Variants in POLR3GL observed in about 807,000 individuals in gnomAD.
The protein encoded by POLR3GL is DNA-directed RNA polymerase III subunit RPC7-like.
POLR3GL carries 26 observed loss-of-function variants against 32.4 expected under a neutral mutation model. The observed-to-expected ratio is 0.80, with a 90% CI of 0.59 to 1.11. POLR3GL has a LOEUF of 1.11. Ranked by LOEUF, POLR3GL falls within the 50% of genes most tolerant of loss-of-function variation. POLR3GL has a pLI of 0.00. For synonymous variants in POLR3GL, 95 were observed against 98.7 expected, an observed-to-expected ratio of 0.96 and a Z score of 0.22; for missense variants, 229 against 280.1, an observed-to-expected ratio of 0.82 and a Z score of 1.30.
At position 145,977,831 on chromosome 1, in the gene POLR3GL, G is replaced by C. The variant is rs142191532; in HGVS notation, c.436G>C (p.Glu146Gln). 2 of 1,613,890 alleles carry C rather than the reference G, an allele frequency of 1.2e-6. No individual in the cohort carries two copies. Among genetic ancestry groups the C allele is most frequent in the Admixed American group, 3.3e-5 (2 of 59,996 alleles). ...CCCTAAGACCACAGAAGATAAGGAGGAAACAATACAGAAACTAGAGGTGAG... is the reference window on the plus strand; with the variant it reads ...CCCTAAGACCACAGAAGATAAGGAGCAAACAATACAGAAACTAGAGGTGAG... The part of the protein sequence containing the change: ...RPPKTTEDKE[E>Q]TIQKLETLEK... Residue 146 changes from glutamate to glutamine, a missense_variant, in exon 6 of 8, where the codon GAA becomes CAA. Coordinates refer to ENST00000369314, the MANE Select transcript of POLR3GL (RefSeq NM_032305.3).
chr1:145,967,221 C>G (rs1650079633), intron 1 of POLR3GL, among the ~76,000 whole-genome samples: 1 of 151,442 alleles, frequency 6.6e-6, no homozygotes, highest in Non-Finnish European at 1.5e-5. Flanking sequence ...GTTGCCCAAG[C>G]TGGAGTGCAG....
chr1:145,976,714 A>G, intron 3 of POLR3GL, among the ~76,000 whole-genome samples: 1 of 151,640 alleles, frequency 6.6e-6, no homozygotes, highest in Admixed American at 6.6e-5. Flanking sequence ...GGAGATTGAG[A>G]CCATCCTGGC....
rs185736981 is a variant in POLR3GL at position 145,968,814 on chromosome 1, G to A, written c.-42+4046G>A. ...TCTTGAACTCCTGACCTCGTGATCC[G>A]CCCACCTCAGCCTCCTAAAGTGCTG... On this transcript the variant is annotated intron_variant, in intron 1 of 7. Transcript: ENST00000369314. Among the ~76,000 whole-genome samples, 863 of 151,918 alleles carry A rather than the reference G, an allele frequency of 5.7e-3. 16 individuals are homozygous for A. The highest frequency in any genetic ancestry group is 0.02 in the African/African-American group (817 of 41,424).
chr1:145,967,239 A>G (rs1650080273), intron 1 of POLR3GL, among the ~76,000 whole-genome samples: 1 of 149,944 alleles, frequency 6.7e-6, no homozygotes, highest in South Asian at 2.1e-4. Flanking sequence ...CAGTGGTGAG[A>G]TCTCAGCTCA....
In POLR3GL at chr1:145,977,466, G is replaced by A. The variant is rs115138654; in HGVS notation, c.326-17G>A. 6.1e-4 allele frequency: 982 copies of A among 1,612,960 alleles called. 5 individuals are homozygous for A. In the African/African-American group the frequency reaches 0.011, roughly 18 times the overall value. On this transcript the variant is annotated splice_polypyrimidine_tract_variant and intron_variant, in intron 4 of 7. Coordinates refer to ENST00000369314, the MANE Select transcript of POLR3GL (RefSeq NM_032305.3). Reference sequence around the variant, plus strand: ...CAGGCAGGGTCCTATTGACATTTACGTTCCCACTATTCCCAGATTGGCGGC... The same window carrying A: ...CAGGCAGGGTCCTATTGACATTTACATTCCCACTATTCCCAGATTGGCGGC...
intron 3 of POLR3GL, among the ~76,000 whole-genome samples, chr1:145,976,050 G>A (rs1650538177): frequency 3.9e-5 from 6 of 151,958 alleles, no homozygotes; most frequent in Admixed American, 3.3e-4. Context: ...TGACATGGGT[G>A]GATCACTTGA....
At chr1:145,966,570 G>A (rs12738090) in intron 1 of POLR3GL, among the ~76,000 whole-genome samples, 3 of 150,178 alleles carry the variant, frequency 2.0e-5, no homozygotes, top group South Asian at 4.2e-4. Context: ...GGTGGATCAC[G>A]AAGTCAGGAG....
At chr1:145,972,379 T>C (rs1186314436) in intron 1 of POLR3GL, among the ~76,000 whole-genome samples, 3 of 135,700 alleles carry the variant, frequency 2.2e-5, no homozygotes, top group Admixed American at 7.4e-5. Flanking sequence ...AAACTCCATC[T>C]CAAAAAAAAA....
intron 1 of POLR3GL, among the ~76,000 whole-genome samples, chr1:145,974,169 G>T (rs1190417306): frequency 6.6e-6 from 1 of 152,112 alleles, no homozygotes; most frequent in Non-Finnish European, 1.5e-5. Flanking sequence ...TGATTGTAAT[G>T]TGTCTTTTCC....
chr1:145,977,846 C>A lies in POLR3GL; in HGVS notation c.451C>A (p.Leu151Ile). Residue 151 changes from leucine to isoleucine, a missense_variant, in exon 6 of 8, where the codon CTA becomes ATA. Transcript: ENST00000369314. ...AGATAAGGAGGAAACAATACAGAAA[C>A]TAGAGGTGAGGAGGAAGTGTGCATA... ...TEDKEETIQKLETLEKKEEEV... is the reference protein window; with the variant it reads ...TEDKEETIQKIETLEKKEEEV... The A allele has an allele frequency of 6.2e-7, 1 of 1,613,940 alleles. No individual in the cohort carries two copies. The highest frequency in any genetic ancestry group is 1.7e-5 in the Admixed American group (1 of 60,008).
Position 145,978,099 on chromosome 1 carries a change from G to A in POLR3GL, c.570+3G>A, listed in dbSNP as rs374564004. The A allele has an allele frequency of 1.5e-5, 24 of 1,589,146 alleles. No homozygotes were observed. Among genetic ancestry groups the A allele is most frequent in the Non-Finnish European group, 2.1e-5 (24 of 1,166,726 alleles). Reference sequence around the variant, plus strand: ...ATGATGAAGAAGAACATGAAGAGGTGAAGGGGACTCCTTCCACCTTAGTCC... The same window carrying A: ...ATGATGAAGAAGAACATGAAGAGGTAAAGGGGACTCCTTCCACCTTAGTCC... On this transcript the variant is annotated splice_donor_region_variant and intron_variant, in intron 7 of 7. Transcript: ENST00000369314.
At chr1:145,968,801 G>C (rs1291417782) in intron 1 of POLR3GL, among the ~76,000 whole-genome samples, 1 of 151,992 alleles carries the variant, frequency 6.6e-6, no homozygotes, top group Non-Finnish European at 1.5e-5. Flanking sequence ...TTGAACTCCT[G>C]ACCTCGTGAT....
At chr1:145,978,168 G>T in intron 7 of POLR3GL, 72 bp downstream of exon 7, 1 of 1,549,708 alleles carries the variant, frequency 6.5e-7, no homozygotes, top group Non-Finnish European at 8.7e-7. Context: ...CTCCTCAGAG[G>T]GTTGGCATGC....
intron 3 of POLR3GL, among the ~76,000 whole-genome samples, chr1:145,976,769 TA>T (rs1650573043): frequency 6.6e-6 from 1 of 151,090 alleles, no homozygotes; most frequent in Non-Finnish European, 1.5e-5. Context: ...AAAAATTAGC[TA>T]GGCGTGGTGG....
chr1:145,969,288 C>T (rs1650172950), intron 1 of POLR3GL, among the ~76,000 whole-genome samples: 1 of 151,328 alleles, frequency 6.6e-6, no homozygotes, highest in East Asian at 2.0e-4. Context: ...TTTTTTGAGA[C>T]ACAGTCTCGC....
chr1:145,977,225 C>G (rs2101943392), intron 4 of POLR3GL, 73 bp downstream of exon 4: 1 of 1,284,544 alleles, frequency 7.8e-7, no homozygotes. Flanking sequence ...TCCCACCACG[C>G]CCATGACCCC....
chr1:145,968,531 T>C (rs587615289), intron 1 of POLR3GL, among the ~76,000 whole-genome samples: 45 of 152,238 alleles, frequency 3.0e-4, no homozygotes, highest in Admixed American at 8.5e-4. Context: ...CTGGTTAGAA[T>C]GTTCTCTCGC....
chr1:145,975,065 G>T, intron 2 of POLR3GL, 74 bp downstream of exon 2: 1 of 1,483,464 alleles, frequency 6.7e-7, no homozygotes, highest in Non-Finnish European at 9.0e-7. Flanking sequence ...ATTCCTCCTG[G>T]ACCATCATAA....
intron 3 of POLR3GL, 51 bp downstream of exon 3, chr1:145,975,487 CCTGTGCTCAGCACCA>C: frequency 6.3e-7 from 1 of 1,596,418 alleles, no homozygotes; most frequent in African/African-American, 1.3e-5. Context: ...TGGGGAGTGC[CCTGTGCTCAGCACCA>C]CTGGGGGCCA....
Sources: gnomAD v4.1 joint callset for allele counts (sites outside exome capture counted in the v4.1 genomes callset) on GRCh38, gnomAD v4.1.1 for gene constraint, MANE v1.5 for transcripts, NCBI Gene and HGNC (gene_info 2026-07-23, HGNC 2026-07-21) for gene names.